The following IKZF3 variants were observed in gnomAD, a reference collection of about 807,000 sequenced individuals.
The protein encoded by IKZF3 is IKAROS family zinc finger 3.
A neutral mutation model predicts 49.0 loss-of-function variants in IKZF3; 10 were observed. The ratio of observed to expected loss-of-function variants is 0.20; its 90% CI spans 0.13 to 0.35. The LOEUF is 0.35. IKZF3 is among the 10% of genes least tolerant of loss of function. The probability of loss-of-function intolerance (pLI) is 1.00; values close to 1 mark genes in which losing one functional copy is unlikely to be tolerated. For synonymous variants in IKZF3, 209 were observed against 228.2 expected, an observed-to-expected ratio of 0.92 and a Z score of 0.76; for missense variants, 498 against 664.8, an observed-to-expected ratio of 0.75 and a Z score of 2.76.
intron 6 of IKZF3, among the ~76,000 whole-genome samples, chr17:39,779,107 G>A (rs1025483612): frequency 5.9e-5 from 9 of 152,190 alleles, no homozygotes; most frequent in Non-Finnish European, 1.3e-4. Flanking sequence ...AACTAAAATA[G>A]TAAACTGTAA....
chr17:39,771,422 C>T (rs1486276922), intron 7 of IKZF3, among the ~76,000 whole-genome samples: 1 of 152,186 alleles, frequency 6.6e-6, no homozygotes, highest in African/African-American at 2.4e-5. Flanking sequence ...AATTGCAATC[C>T]ACTAGAGGAG....
At chr17:39,784,928 C>A (rs561291218) in intron 6 of IKZF3, among the ~76,000 whole-genome samples, 2 of 152,336 alleles carry the variant, frequency 1.3e-5, no homozygotes, top group East Asian at 3.9e-4. Context: ...CCTGCTTCCC[C>A]TTGCAGGCAG....
intron 5 of IKZF3, among the ~76,000 whole-genome samples, chr17:39,789,726 T>TCAAACAAA (rs143282055): frequency 0.027 from 3,672 of 137,102 alleles, 188 homozygotes; most frequent in African/African-American, 0.098. Flanking sequence ...AGACACCATC[T>TCAAACAAA]CAAACAAACA....
intron 1 of IKZF3, among the ~76,000 whole-genome samples, chr17:39,860,295 A>G (rs1366302049): frequency 1.3e-5 from 2 of 152,162 alleles, no homozygotes; most frequent in Non-Finnish European, 2.9e-5. Context: ...ACCAATAATC[A>G]ATAATCTTTT....
intron 1 of IKZF3, among the ~76,000 whole-genome samples, chr17:39,846,679 C>T (rs780901857): frequency 4.6e-5 from 7 of 152,068 alleles, no homozygotes; most frequent in African/African-American, 7.2e-5. Context: ...CAAATATTTA[C>T]ATTAGCAACA....
chr17:39,861,601 G>C (rs181409507), intron 1 of IKZF3, among the ~76,000 whole-genome samples: 1 of 152,264 alleles, frequency 6.6e-6, no homozygotes, highest in African/African-American at 2.4e-5. Context: ...AGGGCAAACA[G>C]ATTCCATCAT....
At chr17:39,824,252 G>A (rs2061896585) in intron 3 of IKZF3, among the ~76,000 whole-genome samples, 1 of 152,196 alleles carries the variant, frequency 6.6e-6, no homozygotes, top group Non-Finnish European at 1.5e-5. Context: ...GGGGCTTGTA[G>A]TCCCTTTGTT....
chr17:39,856,339 A>G (rs2063057957), intron 1 of IKZF3, among the ~76,000 whole-genome samples: 1 of 151,454 alleles, frequency 6.6e-6, no homozygotes, highest in South Asian at 2.1e-4. Flanking sequence ...CCCAGGTTGG[A>G]GTGCAGTGGT....
chr17:39,798,996 CGTGTGTGT>C (rs10628627), intron 3 of IKZF3, among the ~76,000 whole-genome samples: 2 of 148,980 alleles, frequency 1.3e-5, no homozygotes, highest in Non-Finnish European at 3.0e-5. Context: ...TGTGTGTGTG[CGTGTGTGT>C]GTGTGTGTGT....
intron 1 of IKZF3, among the ~76,000 whole-genome samples, chr17:39,856,416 G>A (rs766180001): frequency 1.9e-4 from 29 of 151,914 alleles, no homozygotes; most frequent in Non-Finnish European, 3.7e-4. Context: ...GCTGGTGGTG[G>A]CACGTGCCAC....
intron 5 of IKZF3, among the ~76,000 whole-genome samples, chr17:39,789,114 G>A (rs1567980764): frequency 6.6e-6 from 1 of 152,084 alleles, no homozygotes; most frequent in East Asian, 1.9e-4. Flanking sequence ...ATTGCACCCG[G>A]CCAGGATATT....
rs770889420 is a variant in IKZF3, at chr17:39,766,168, G to A, written c.1152C>T (p.His384=). ...ERGLSPNNSG[H]DSTDTDSNHE... ...GGTTGCTGTCAGTGTCCGTGGAGTC[G>A]TGGCCACTATTGTTGGGAGAGAGGC... is the stretch of plus-strand genomic sequence containing the variant. Residue 384 remains histidine (H), a synonymous_variant, in exon 8 of 8, where the codon CAC becomes CAT. Coordinates refer to ENST00000346872, the MANE Select transcript of IKZF3 (RefSeq NM_012481.5). 1.9e-5 allele frequency: 31 copies of A among 1,613,974 alleles called. No individual in the cohort carries two copies. Among genetic ancestry groups the A allele is most frequent in the Admixed American group, 8.3e-5 (5 of 59,998 alleles).
At chr17:39,781,436 G>T (rs2060738416) in intron 6 of IKZF3, among the ~76,000 whole-genome samples, 1 of 152,058 alleles carries the variant, frequency 6.6e-6, no homozygotes, top group Non-Finnish European at 1.5e-5. Flanking sequence ...TCAACAAAAA[G>T]ATTTATAGGG....
chr17:39,768,186 C>T (rs1054735724), intron 7 of IKZF3, among the ~76,000 whole-genome samples: 5 of 152,064 alleles, frequency 3.3e-5, no homozygotes, highest in African/African-American at 9.7e-5. Flanking sequence ...ATACAGGCAT[C>T]GGTGAGACAA....
chr17:39,814,036 T>G (rs2061622818), intron 3 of IKZF3, among the ~76,000 whole-genome samples: 1 of 152,184 alleles, frequency 6.6e-6, no homozygotes, highest in Non-Finnish European at 1.5e-5. Flanking sequence ...GGCTTAATTT[T>G]TTTTCCCCTT....
At chr17:39,839,957 G>A (rs2062418024) in intron 1 of IKZF3, among the ~76,000 whole-genome samples, 3 of 152,216 alleles carry the variant, frequency 2.0e-5, no homozygotes, top group Non-Finnish European at 4.4e-5. Context: ...CACAATGCCT[G>A]ACCAGACTTT....
chr17:39,816,550 C>T (rs2061682063), intron 3 of IKZF3, among the ~76,000 whole-genome samples: 2 of 152,198 alleles, frequency 1.3e-5, no homozygotes, highest in Admixed American at 6.5e-5. Context: ...GAAGATGCAA[C>T]AGAGATTGTA....
chr17:39,796,609 C>T (rs1267211095), intron 3 of IKZF3, among the ~76,000 whole-genome samples: 3 of 148,810 alleles, frequency 2.0e-5, no homozygotes, highest in African/African-American at 2.5e-5. Flanking sequence ...GGTGTGATCT[C>T]GGCTCACTGC....
chr17:39,838,840 C>CT (rs896597803), intron 1 of IKZF3, among the ~76,000 whole-genome samples: 27 of 151,180 alleles, frequency 1.8e-4, no homozygotes, highest in Admixed American at 4.6e-4. Context: ...CTTTGTTTTA[C>CT]TTTTTTTTTA....
Sources: allele counts gnomAD v4.1 joint callset (sites outside exome capture counted in the v4.1 genomes callset), GRCh38; gene constraint gnomAD v4.1.1; transcripts MANE v1.5; gene names NCBI Gene and HGNC (gene_info 2026-07-23, HGNC 2026-07-21).